The following NOL10 variants were observed in gnomAD, a reference collection of about 807,000 sequenced individuals.
The protein encoded by NOL10 is nucleolar protein 10.
NOL10 carries 58 observed loss-of-function variants against 103.5 expected under a neutral mutation model. That is an observed-to-expected ratio of 0.56 (90% CI 0.45 to 0.70). NOL10 has a LOEUF of 0.70. NOL10 is among the 30% of genes least tolerant of loss of function. NOL10 has a pLI of 0.00. For synonymous variants in NOL10, 287 were observed against 282.5 expected (o/e 1.02, Z -0.16); for missense variants, 763 against 807.3 (o/e 0.95, Z 0.67).
chr2:10,624,916 C>T (rs1677366575), intron 13 of NOL10, among the ~76,000 whole-genome samples: 2 of 152,118 alleles, frequency 1.3e-5, no homozygotes, highest in South Asian at 4.1e-4. Context: ...GCAGTACATC[C>T]AGACAAGAGA....
intron 20 of NOL10, 47 bp downstream of exon 20, chr2:10,577,589 C>A: frequency 7.4e-7 from 1 of 1,354,004 alleles, no homozygotes; most frequent in Non-Finnish European, 1.0e-6. Flanking sequence ...TATTGAAAGG[C>A]TATTTTTCTT....
chr2:10,591,282 T>C (rs1318059367), intron 17 of NOL10, among the ~76,000 whole-genome samples: 1 of 152,148 alleles, frequency 6.6e-6, no homozygotes, highest in East Asian at 1.9e-4. Context: ...CACGTGCTAC[T>C]AGGCCTCTTC....
intron 2 of NOL10, among the ~76,000 whole-genome samples, chr2:10,683,679 C>T (rs1427641193): frequency 6.6e-6 from 1 of 152,166 alleles, no homozygotes; most frequent in African/African-American, 2.4e-5. Flanking sequence ...TTACTGCTTG[C>T]CAGAAAAGCA....
At chr2:10,623,088 T>G (rs1677241174) in intron 13 of NOL10, among the ~76,000 whole-genome samples, 1 of 152,100 alleles carries the variant, frequency 6.6e-6, no homozygotes, top group Non-Finnish European at 1.5e-5. Context: ...TCAATTACAG[T>G]GTGTCCTATC....
At position 10,673,602 on chromosome 2, in the gene NOL10, C is replaced by G. The variant is rs371542235; in HGVS notation, c.290-45G>C. ...AAAAATACAATTATCAAACAATATT[C>G]TTAGTAACAACGCAAACCTGATGCA... On this transcript the variant is annotated intron_variant, in intron 4 of 20. Transcript: ENST00000381685. 17 of 1,338,112 alleles carry G rather than the reference C, an allele frequency of 1.3e-5. No homozygotes were observed. In the East Asian group the frequency reaches 1.4e-4, roughly 11 times the overall value. 82.9% of individuals were successfully genotyped at this position (1,338,112 alleles called of 1,614,324 possible).
At chr2:10,672,749 T>C (rs1681031998) in intron 5 of NOL10, among the ~76,000 whole-genome samples, 1 of 152,164 alleles carries the variant, frequency 6.6e-6, no homozygotes, top group Non-Finnish European at 1.5e-5. Context: ...TCCCAACACT[T>C]TGGGAGGCCA....
intron 13 of NOL10, among the ~76,000 whole-genome samples, chr2:10,637,188 C>CAAAAAAAAAAAAAAAAAAAAAAAAAA: frequency 2.2e-5 from 1 of 44,524 alleles, no homozygotes; most frequent in Non-Finnish European, 4.0e-5. Flanking sequence ...GACACTGTCT[C>CAAAAAAAAAAAAAAAAAAAAAAAAAA]AAAAAAAAAA....
chr2:10,638,315 GACGTGACGTGACGTGACGTAACGTA>G (rs879508490), intron 13 of NOL10, among the ~76,000 whole-genome samples: 10,595 of 143,668 alleles, frequency 0.074, 973 homozygotes, highest in African/African-American at 0.23. Flanking sequence ...GACGTGACGT[GACGTGACGTGACGTGACGTAACGTA>G]ACGTAACGTA....
intron 6 of NOL10, among the ~76,000 whole-genome samples, chr2:10,669,509 T>TACACACACACACAC (rs1680787021): frequency 6.4e-5 from 2 of 31,464 alleles, no homozygotes; most frequent in African/African-American, 2.3e-4. Flanking sequence ...CACACACACA[T>TACACACACACACAC]ATATACACAC....
chr2:10,643,211 G>A (rs141246204), intron 13 of NOL10, among the ~76,000 whole-genome samples: 1 of 152,292 alleles, frequency 6.6e-6, no homozygotes. Flanking sequence ...CAACACGTCA[G>A]TATCCCGAAA....
At position 10,671,555 on chromosome 2, in the gene NOL10, T is replaced by G; in HGVS notation, c.463A>C (p.Ser155Arg). The part of the protein sequence containing the change: ...PSCDLYFVGA[S>R]SEVYRLNLEQ... ...AGAAAAAGGGACTGGATCCAATACC[T>G]TGCACCAACAAAGTACAAGTCACAG... The change falls in exon 6 of 21, where the codon AGT becomes CGT. Residue 155 changes from serine to arginine, a missense_variant and splice_region_variant. Physicochemically the swap from Ser to Arg is moderately radical, Grantham distance 110. Transcript: ENST00000381685. 6.2e-7 allele frequency: 1 copy of G among 1,604,152 alleles called. No homozygotes were observed.
intron 17 of NOL10, among the ~76,000 whole-genome samples, chr2:10,590,535 T>C (rs4669597): frequency 0.2 from 30,023 of 152,136 alleles, 3,764 homozygotes; most frequent in East Asian, 0.43. Flanking sequence ...AAGCTGGTGA[T>C]GTCAGTTTAC....
At chr2:10,630,994 T>C (rs7607468) in intron 13 of NOL10, among the ~76,000 whole-genome samples, 2,064 of 152,332 alleles carry the variant, frequency 0.014, 58 homozygotes, top group African/African-American at 0.047. Flanking sequence ...AAAGAGAATA[T>C]GTTGCTACTG....
chr2:10,673,700 T>C (rs554281579), intron 4 of NOL10, 143 bp from the exon 5 acceptor site: 22 of 543,490 alleles, frequency 4.0e-5, no homozygotes, highest in South Asian at 3.9e-4. Flanking sequence ...AAGAAGAAAA[T>C]TGTCATAGTA....
At position 10,600,472 on chromosome 2, in the gene NOL10, AAT is replaced by A. The variant is rs1272264463; in HGVS notation, c.1422+379_1422+380del. ...AAATTATAATCACTTCATAAAACAG[AAT>A]ATGTAGCCATTAAAAATATTTACAA... On this transcript the variant is annotated intron_variant, in intron 17 of 20. Transcript: ENST00000381685. Among the ~76,000 whole-genome samples, 3 of 152,372 alleles carry A rather than the reference AAT, an allele frequency of 2.0e-5. No homozygotes were observed. In the East Asian group the frequency reaches 5.8e-4, roughly 29 times the overall value.
At chr2:10,676,010 C>A (rs1245532290) in intron 3 of NOL10, 139 bp from the exon 4 acceptor site, 1 of 460,952 alleles carries the variant, frequency 2.2e-6, no homozygotes, top group Non-Finnish European at 3.8e-6. Flanking sequence ...GTAAAAGCAG[C>A]CCCTCTCAAA....
intron 13 of NOL10, among the ~76,000 whole-genome samples, chr2:10,609,278 G>A (rs1029157884): frequency 1.4e-4 from 21 of 151,662 alleles, no homozygotes; most frequent in Non-Finnish European, 7.4e-5. Flanking sequence ...CTGGGACACC[G>A]AATTAAGTCT....
Position 10,657,895 on chromosome 2 carries a change from A to G in NOL10, c.757-4T>C. 6.7e-7 allele frequency: 1 copy of G among 1,499,760 alleles called. No homozygotes were observed. The highest frequency in any genetic ancestry group is 2.4e-5 in the Admixed American group (1 of 41,698). 92.9% of individuals were successfully genotyped at this position (1,499,760 alleles called of 1,614,324 possible). The stretch of plus-strand genomic sequence containing the variant: ...ATCGAAGGTCATATAATAAAACCTG[A>G]AAAAAAATTATTTCTGTTTAAACAA... On this transcript the variant is annotated splice_region_variant and splice_polypyrimidine_tract_variant and intron_variant, in intron 10 of 20. Transcript: ENST00000381685.
chr2:10,657,618 G>A (rs1679928290), intron 11 of NOL10, 124 bp downstream of exon 11: 1 of 756,680 alleles, frequency 1.3e-6, no homozygotes, highest in African/African-American at 1.8e-5. Context: ...CTCCCGCTAA[G>A]TTCCCAAATG....
Sources: allele counts gnomAD v4.1 joint callset (sites outside exome capture counted in the v4.1 genomes callset), GRCh38; gene constraint gnomAD v4.1.1; transcripts MANE v1.5; gene names NCBI Gene and HGNC (gene_info 2026-07-23, HGNC 2026-07-21).